The following PKD2L1 variants were observed in gnomAD, a reference collection of about 807,000 sequenced individuals.
PKD2L1 encodes the protein polycystin-2-like protein 1.
PKD2L1 carries 77 observed loss-of-function variants against 93.0 expected under a neutral mutation model. The ratio of observed to expected loss-of-function variants is 0.83; its 90% confidence interval spans 0.69 to 1.00. The LOEUF (loss-of-function observed/expected upper bound fraction) is 1.00. PKD2L1 is among the 50% of genes least tolerant of loss of function. The pLI, the probability that PKD2L1 is intolerant of heterozygous loss-of-function variation, is 0.00. For synonymous variants in PKD2L1, 390 were observed against 388.0 expected (o/e 1.01, Z -0.06); for missense variants, 977 against 990.9 (o/e 0.99, Z 0.19).
At chr10:100,314,048 G>A (rs1848997950) in intron 2 of PKD2L1, among the ~76,000 whole-genome samples, 1 of 152,106 alleles carries the variant, frequency 6.6e-6, no homozygotes, top group Non-Finnish European at 1.5e-5. Flanking sequence ...TGCCCAGGCT[G>A]GTCTTAAACT....
rs566612935 is a variant in PKD2L1 at position 100,288,368 on chromosome 10, T to C, written c.*28A>G. 29 of 1,468,816 alleles carry C rather than the reference T, an allele frequency of 2.0e-5. No homozygotes were observed. The South Asian group carries it at 3.3e-4, about 17-fold the overall frequency. 91.0% of individuals were successfully genotyped at this position (1,468,816 alleles called of 1,614,324 possible). ...GCAGCCTCTTGCAGAAGATCCTTCA[T>C]AGACTTTGCTCCGGGAGTGCCTCAC... On this transcript the variant is annotated 3_prime_UTR_variant, in exon 16 of 16. Coordinates refer to ENST00000318222, the MANE Select transcript of PKD2L1 (RefSeq NM_016112.3).
At chr10:100,308,903 G>A (rs950917065) in intron 2 of PKD2L1, among the ~76,000 whole-genome samples, 5 of 152,156 alleles carry the variant, frequency 3.3e-5, no homozygotes, top group African/African-American at 1.2e-4. Context: ...TTTAATAACT[G>A]AGTCTGAAGG....
intron 2 of PKD2L1, among the ~76,000 whole-genome samples, chr10:100,325,739 T>C (rs1849364562): frequency 6.6e-6 from 1 of 152,222 alleles, no homozygotes; most frequent in African/African-American, 2.4e-5. Flanking sequence ...GGCTGGGTTA[T>C]GATGCCACAT....
intron 11 of PKD2L1, 89 bp from the exon 12 acceptor site, chr10:100,291,516 CAA>C: frequency 7.1e-6 from 10 of 1,417,326 alleles, no homozygotes; most frequent in Non-Finnish European, 8.7e-6. Flanking sequence ...TTGACTCTGG[CAA>C]AAGTTTTGCT....
chr10:100,313,349 A>C (rs762622663), intron 2 of PKD2L1, among the ~76,000 whole-genome samples: 5 of 152,244 alleles, frequency 3.3e-5, no homozygotes, highest in African/African-American at 4.8e-5. Context: ...GTCTTTGAAC[A>C]TATGGACCCA....
intron 3 of PKD2L1, among the ~76,000 whole-genome samples, chr10:100,299,138 G>C (rs1464855081): frequency 1.3e-5 from 2 of 152,020 alleles, no homozygotes; most frequent in Non-Finnish European, 2.9e-5. Flanking sequence ...TGTATTTTTA[G>C]TAGAGACAGG....
At chr10:100,295,414 C>T (rs1848507112) in intron 7 of PKD2L1, among the ~76,000 whole-genome samples, 1 of 118,418 alleles carries the variant, frequency 8.4e-6, no homozygotes. Context: ...GATTGAGGGA[C>T]ATACTGGGAC....
intron 2 of PKD2L1, among the ~76,000 whole-genome samples, chr10:100,310,037 G>C (rs991900368): frequency 2.8e-4 from 43 of 152,192 alleles, no homozygotes; most frequent in African/African-American, 9.6e-4. Flanking sequence ...AAGAGAGCTA[G>C]AAAAGAGGGC....
rs1385759135 is a variant in PKD2L1, at chr10:100,290,063, C to A, written c.2202G>T (p.Lys734Asn). 6.2e-7 allele frequency: 1 copy of A among 1,614,212 alleles called. No individual in the cohort carries two copies. Among genetic ancestry groups the A allele is most frequent in the Admixed American group, 1.7e-5 (1 of 60,030 alleles). The change falls in exon 14 of 16, where the codon AAG becomes AAT. Residue 734 changes from lysine to asparagine, a missense_variant. Physicochemically the swap from Lys to Asn is moderately conservative, Grantham distance 94. Coordinates refer to ENST00000318222, the MANE Select transcript of PKD2L1 (RefSeq NM_016112.3). ...ACCCCTTCCTCTCCAGCATTTTCAG[C>A]TTTGAGCCTACAGCATCAATCTGGG... is the stretch of plus-strand genomic sequence containing the variant. ...VVSQIDAVGS[K>N]LKMLERKGWL...
At chr10:100,324,650 G>T (rs1033512415) in intron 2 of PKD2L1, among the ~76,000 whole-genome samples, 1 of 152,136 alleles carries the variant, frequency 6.6e-6, no homozygotes, top group African/African-American at 2.4e-5. Flanking sequence ...ACCAGTGATT[G>T]TGTTTGGTTC....
In PKD2L1 at chr10:100,288,185, AC is replaced by A. The variant is rs1227207509; in HGVS notation, c.*210del. On this transcript the variant is annotated 3_prime_UTR_variant, in exon 16 of 16. Transcript: ENST00000318222. ...AGTTTTATTGATAGCCACCATGGAA[AC>A]CCACATGGTCTTATGGAAGAATAAT... 2.0e-6 allele frequency: 1 copy of A among 499,842 alleles called. No individual in the cohort carries two copies. The highest frequency in any genetic ancestry group is 3.6e-6 in the Non-Finnish European group (1 of 279,008). 31.0% of individuals were successfully genotyped at this position (499,842 alleles called of 1,614,324 possible).
chr10:100,289,266 G>A (rs961319048), intron 14 of PKD2L1, among the ~76,000 whole-genome samples: 4 of 152,168 alleles, frequency 2.6e-5, no homozygotes, highest in African/African-American at 9.6e-5. Flanking sequence ...TAGCCCTTAT[G>A]AGTGGGCTCA....
At position 100,294,130 on chromosome 10, in the gene PKD2L1, C is replaced by T. The variant is rs534065073; in HGVS notation, c.1659+405G>A. Among the ~76,000 whole-genome samples, 7 of 152,074 alleles carry T rather than the reference C, an allele frequency of 4.6e-5. No individual in the cohort carries two copies. In the South Asian group the frequency reaches 1.5e-3, roughly 32 times the overall value. Reference sequence around the variant, plus strand: ...CCTGTCTAAAATAAATAAATAATAACCCAGATTTTTCATGGTTGGCAGGGA... The same window carrying T: ...CCTGTCTAAAATAAATAAATAATAATCCAGATTTTTCATGGTTGGCAGGGA... On this transcript the variant is annotated intron_variant, in intron 9 of 15. Coordinates refer to ENST00000318222, the MANE Select transcript of PKD2L1 (RefSeq NM_016112.3).
At chr10:100,290,573 G>A in intron 12 of PKD2L1, 54 bp from the exon 13 acceptor site, 1 of 1,143,054 alleles carries the variant, frequency 8.7e-7, no homozygotes, top group Non-Finnish European at 1.3e-6. Flanking sequence ...GAAGCCATCA[G>A]CTCCTGTTCT....
chr10:100,302,157 C>T (rs1019864652), intron 2 of PKD2L1, among the ~76,000 whole-genome samples: 4 of 151,902 alleles, frequency 2.6e-5, no homozygotes, highest in Non-Finnish European at 4.4e-5. Context: ...TTTTAAAATT[C>T]CACAATTCCT....
intron 2 of PKD2L1, among the ~76,000 whole-genome samples, chr10:100,322,828 A>G (rs1045917627): frequency 6.6e-6 from 1 of 152,200 alleles, no homozygotes; most frequent in African/African-American, 2.4e-5. Context: ...TCCAGTGGTT[A>G]AAAGCCTCGG....
chr10:100,323,567 C>G (rs894911210), intron 2 of PKD2L1, among the ~76,000 whole-genome samples: 1 of 152,130 alleles, frequency 6.6e-6, no homozygotes, highest in African/African-American at 2.4e-5. Flanking sequence ...CGGCGCCCGG[C>G]TCACTCTGTA....
In PKD2L1 at chr10:100,290,146, G is replaced by A; in HGVS notation, c.2127-8C>T. On this transcript the variant is annotated splice_polypyrimidine_tract_variant and splice_region_variant and intron_variant, in intron 13 of 15. Coordinates refer to ENST00000318222, the MANE Select transcript of PKD2L1 (RefSeq NM_016112.3). ...AGAACTCTCCTTGTGAGCCTGTGTG[G>A]GATTTGAGAGAGACGAATGGAGCAG... 1 of 1,614,018 alleles carries A rather than the reference G, an allele frequency of 6.2e-7. No homozygotes were observed. The highest frequency in any genetic ancestry group is 8.5e-7 in the Non-Finnish European group (1 of 1,180,004).
chr10:100,323,424 A>T (rs1198885289), intron 2 of PKD2L1, among the ~76,000 whole-genome samples: 1 of 152,072 alleles, frequency 6.6e-6, no homozygotes, highest in Non-Finnish European at 1.5e-5. Context: ...GCGTGCCACC[A>T]CACGCGACTA....
Sources: allele counts gnomAD v4.1 joint callset (sites outside exome capture counted in the v4.1 genomes callset), GRCh38; gene constraint gnomAD v4.1.1; transcripts MANE v1.5; gene names NCBI Gene and HGNC (gene_info 2026-07-23, HGNC 2026-07-21).